The following CTNNA2 variants were observed in gnomAD, a reference collection of about 807,000 sequenced individuals.
CTNNA2 encodes the protein catenin alpha-2.
Under a neutral mutation model 101.0 loss-of-function variants are expected in CTNNA2, and 42 were observed. The ratio of observed to expected loss-of-function variants is 0.42; its 90% CI spans 0.32 to 0.54. The LOEUF is 0.54. Ranked by LOEUF, CTNNA2 falls within the 20% of genes least tolerant of loss-of-function variation. The pLI is 0.14. For missense variants in CTNNA2, 871 were observed against 1,223.1 expected (o/e 0.71, Z 4.29); for synonymous variants, 450 against 456.4 (o/e 0.99, Z 0.18).
chr2:80,616,239 C>T (rs889002881), intron 17 of CTNNA2, among the ~76,000 whole-genome samples: 2 of 151,670 alleles, frequency 1.3e-5, no homozygotes, highest in African/African-American at 4.8e-5. Flanking sequence ...GAACCATGTA[C>T]GTTTGTCAGC....
At chr2:80,182,095 C>G (rs1705821101) in intron 7 of CTNNA2, among the ~76,000 whole-genome samples, 1 of 152,134 alleles carries the variant, frequency 6.6e-6, no homozygotes, top group Admixed American at 6.5e-5. Flanking sequence ...GGTAGATTCC[C>G]ACAGTAGGCC....
intron 4 of CTNNA2, among the ~76,000 whole-genome samples, chr2:79,376,488 A>AT (rs555576409): frequency 2.0e-4 from 30 of 150,064 alleles, no homozygotes; most frequent in Admixed American, 6.0e-4. Flanking sequence ...AATTTTTCTA[A>AT]TTTTTTTTTA....
rs1307740362 is a variant in CTNNA2 at position 80,311,886 on chromosome 2, T to G, written c.1057-81325T>G. ...ATTGCAGTTTATATTGCATTTGACTTTAAACTGGCTATCACTTTACCAAGA... is the reference window on the plus strand; with the variant it reads ...ATTGCAGTTTATATTGCATTTGACTGTAAACTGGCTATCACTTTACCAAGA... On this transcript the variant is annotated intron_variant, in intron 7 of 18. Coordinates refer to ENST00000402739, the MANE Select transcript of CTNNA2 (RefSeq NM_001282597.3). Among the ~76,000 whole-genome samples, 6 of 152,352 alleles carry G rather than the reference T, an allele frequency of 3.9e-5. No individual in the cohort carries two copies. In the Middle Eastern group the frequency reaches 0.01, roughly 259 times the overall value.
chr2:79,981,837 GA>G (rs1431848302), intron 7 of CTNNA2, among the ~76,000 whole-genome samples: 5 of 151,462 alleles, frequency 3.3e-5, no homozygotes, highest in East Asian at 3.9e-4. Flanking sequence ...AATGAAATAG[GA>G]AAAAAAAGTA....
chr2:79,701,950 C>T (rs114640540), intron 2 of CTNNA2, among the ~76,000 whole-genome samples: 3,886 of 128,260 alleles, frequency 0.03, 163 homozygotes, highest in African/African-American at 0.11. Flanking sequence ...TACAGTGAGC[C>T]AAGATTATAC....
intron 4 of CTNNA2, among the ~76,000 whole-genome samples, chr2:79,435,939 G>T (rs909558170): frequency 6.6e-6 from 1 of 152,096 alleles, no homozygotes; most frequent in Non-Finnish European, 1.5e-5. Context: ...CTAAGCTTAG[G>T]GAGGGGATGC....
At chr2:80,596,824 A>C (rs1377665949) in intron 15 of CTNNA2, among the ~76,000 whole-genome samples, 1 of 152,062 alleles carries the variant, frequency 6.6e-6, no homozygotes, top group Non-Finnish European at 1.5e-5. Flanking sequence ...TTGCCCATTC[A>C]GTTTGATATT....
Position 80,179,365 on chromosome 2 carries a change from G to T in CTNNA2, c.1057-213846G>T, listed in dbSNP as rs532993146. On this transcript the variant is annotated intron_variant, in intron 7 of 18. Coordinates refer to ENST00000402739, the MANE Select transcript of CTNNA2 (RefSeq NM_001282597.3). ...GAATCACCACCTCCATGTCTTTCAAGTTTTTTTTTGTTTTTTTGTTTTTTT... is the reference window on the plus strand; with the variant it reads ...GAATCACCACCTCCATGTCTTTCAATTTTTTTTTTGTTTTTTTGTTTTTTT... 1.2e-4 allele frequency among the ~76,000 whole-genome samples: 18 copies of T among 151,688 alleles called. No homozygotes were observed. The South Asian group carries it at 3.8e-3, about 32-fold the overall frequency.
At chr2:80,481,825 A>G (rs1004563180) in intron 9 of CTNNA2, among the ~76,000 whole-genome samples, 3 of 152,106 alleles carry the variant, frequency 2.0e-5, no homozygotes, top group African/African-American at 7.2e-5. Flanking sequence ...TATGACAGTA[A>G]ATATTAAATA....
chr2:80,574,449 A>T (rs966248624), intron 13 of CTNNA2, 135 bp downstream of exon 13: 26 of 1,061,468 alleles, frequency 2.4e-5, no homozygotes, highest in Non-Finnish European at 3.1e-5. Context: ...TATTAGTCAG[A>T]CAAGGTGAGC....
chr2:79,396,745 G>A (rs114233730), intron 4 of CTNNA2, among the ~76,000 whole-genome samples: 477 of 152,170 alleles, frequency 3.1e-3, no homozygotes, highest in Non-Finnish European at 5.3e-3. Context: ...GCAAAACCCG[G>A]AGTTTAGGTT....
At chr2:79,950,035 T>C (rs1297748678) in intron 7 of CTNNA2, among the ~76,000 whole-genome samples, 1 of 152,134 alleles carries the variant, frequency 6.6e-6, no homozygotes, top group Non-Finnish European at 1.5e-5. Flanking sequence ...AGAAAATGTA[T>C]GCTGCATAGT....
chr2:79,854,744 G>A (rs1680996536), intron 3 of CTNNA2, among the ~76,000 whole-genome samples: 1 of 152,170 alleles, frequency 6.6e-6, no homozygotes. Flanking sequence ...ATGTTGCTCT[G>A]AGTTAGGTCT....
chr2:79,426,876 A>C (rs777625059), intron 4 of CTNNA2, among the ~76,000 whole-genome samples: 26 of 152,142 alleles, frequency 1.7e-4, no homozygotes, highest in Non-Finnish European at 2.8e-4. Context: ...ATAAATAGAC[A>C]AGATTCTGCC....
chr2:79,427,710 A>G (rs76679659), intron 4 of CTNNA2, among the ~76,000 whole-genome samples: 3,003 of 151,570 alleles, frequency 0.02, 110 homozygotes, highest in African/African-American at 0.067. Flanking sequence ...TATCCAGGGC[A>G]TCTTACACTC....
chr2:79,978,727 C>T (rs1366729172), intron 7 of CTNNA2, among the ~76,000 whole-genome samples: 7 of 152,158 alleles, frequency 4.6e-5, no homozygotes, highest in African/African-American at 1.4e-4. Flanking sequence ...GTTGGAAACA[C>T]GCCTCTAGGC....
intron 7 of CTNNA2, among the ~76,000 whole-genome samples, chr2:80,271,443 A>G (rs1388714108): frequency 8.3e-5 from 12 of 144,694 alleles, no homozygotes; most frequent in Non-Finnish European, 1.6e-4. Context: ...TTTTTCTGAG[A>G]TGGAGTCTCG....
At chr2:79,982,029 GT>G in intron 7 of CTNNA2, among the ~76,000 whole-genome samples, 1 of 148,128 alleles carries the variant, frequency 6.8e-6, no homozygotes, top group African/African-American at 2.5e-5. Context: ...TCATGGTAGT[GT>G]TTTGTTTTTG....
intron 4 of CTNNA2, among the ~76,000 whole-genome samples, chr2:79,454,916 T>C (rs977188465): frequency 2.6e-5 from 4 of 152,210 alleles, no homozygotes; most frequent in Admixed American, 2.6e-4. Flanking sequence ...GGAGTTTTTA[T>C]CTTTATATAA....
Sources: allele counts gnomAD v4.1 joint callset (sites outside exome capture counted in the v4.1 genomes callset), GRCh38; gene constraint gnomAD v4.1.1; transcripts MANE v1.5; gene names NCBI Gene and HGNC (gene_info 2026-07-23, HGNC 2026-07-21).